The following DOCK4 variants were observed in gnomAD, a reference collection of about 807,000 sequenced individuals.
DOCK4 encodes dedicator of cytokinesis protein 4.
Under a neutral mutation model 268.1 loss-of-function variants are expected in DOCK4, and 97 were observed. The observed-to-expected ratio is 0.36, with a 90% CI of 0.31 to 0.43. The LOEUF (loss-of-function observed/expected upper bound fraction) is 0.43. DOCK4 is among the 20% of genes least tolerant of loss of function. DOCK4 has a pLI of 1.00. For missense variants in DOCK4, 2,145 were observed against 2,455.7 expected (o/e 0.87, Z 2.67); for synonymous variants, 954 against 887.2 (o/e 1.08, Z -1.34).
rs546595632 is a variant in DOCK4 at position 112,034,832 on chromosome 7, G to T, written c.38-30701C>A. Among the ~76,000 whole-genome samples, 4 of 152,238 alleles carry T rather than the reference G, an allele frequency of 2.6e-5. No individual in the cohort carries two copies. The East Asian group carries it at 7.7e-4, about 29-fold the overall frequency. On this transcript the variant is annotated intron_variant, in intron 1 of 52. Coordinates refer to ENST00000428084, the MANE Select transcript of DOCK4 (RefSeq NM_001363540.2). ...CAGGAGAACTGCTTGAACCCGGGAG[G>T]CGGAGGTTGCAGTGGGCCAAGATCC...
At chr7:112,128,684 G>A (rs904742915) in intron 1 of DOCK4, among the ~76,000 whole-genome samples, 4 of 152,108 alleles carry the variant, frequency 2.6e-5, no homozygotes, top group African/African-American at 9.7e-5. Context: ...GGCGGTGCAA[G>A]ATGTGCTTTG....
At chr7:111,737,150 A>T (rs1345369937) in intron 49 of DOCK4, among the ~76,000 whole-genome samples, 161 bp from the exon 50 acceptor site, 1 of 152,196 alleles carries the variant, frequency 6.6e-6, no homozygotes. Flanking sequence ...ATTTAAGTAA[A>T]AGGGGGTGGG....
intron 30 of DOCK4, among the ~76,000 whole-genome samples, chr7:111,796,838 C>A (rs900417015): frequency 2.0e-5 from 3 of 152,192 alleles, no homozygotes; most frequent in Non-Finnish European, 2.9e-5. Flanking sequence ...GCTAAGGTTG[C>A]GTGGGTAAGC....
intron 1 of DOCK4, among the ~76,000 whole-genome samples, chr7:112,066,733 ATATATATATC>A (rs1807092185): frequency 2.3e-5 from 2 of 85,394 alleles, no homozygotes; most frequent in Non-Finnish European, 2.4e-5. Flanking sequence ...ATATATATAT[ATATATATATC>A]TCCTATTGGC....
chr7:111,956,156 G>A (rs1015823314), intron 8 of DOCK4, among the ~76,000 whole-genome samples: 3 of 152,086 alleles, frequency 2.0e-5, no homozygotes, highest in African/African-American at 7.2e-5. Context: ...GACATTTCGT[G>A]AGAAAAGAAT....
intron 42 of DOCK4, 39 bp from the exon 43 acceptor site, chr7:111,747,482 G>C (rs750814850): frequency 2.6e-6 from 4 of 1,520,456 alleles, no homozygotes; most frequent in Non-Finnish European, 3.5e-6. Context: ...TTGAATTTGT[G>C]ACATTCAAGA....
intron 42 of DOCK4, among the ~76,000 whole-genome samples, chr7:111,751,100 A>G (rs1796607468): frequency 1.3e-5 from 2 of 152,186 alleles, no homozygotes; most frequent in Non-Finnish European, 2.9e-5. Context: ...GGCTGCCAAC[A>G]TCACACACAC....
chr7:112,019,996 G>A (rs1451316203), intron 1 of DOCK4, among the ~76,000 whole-genome samples: 2 of 152,276 alleles, frequency 1.3e-5, no homozygotes, highest in East Asian at 3.9e-4. Flanking sequence ...TACAATTGGA[G>A]CTGCAGAGTT....
At chr7:111,756,101 C>A (rs1214939889) in intron 41 of DOCK4, among the ~76,000 whole-genome samples, 1 of 152,322 alleles carries the variant, frequency 6.6e-6, no homozygotes, top group Non-Finnish European at 1.5e-5. Context: ...GTAATCCCAG[C>A]ACTTTGGGAG....
chr7:111,784,384 C>G (rs1267980917), intron 32 of DOCK4: 1 of 651,946 alleles, frequency 1.5e-6, no homozygotes, highest in Non-Finnish European at 2.8e-6. Context: ...ATTTTCCTAC[C>G]TCTCAGTGGA....
intron 16 of DOCK4, among the ~76,000 whole-genome samples, chr7:111,885,456 T>C (rs1807759890): frequency 1.3e-5 from 2 of 152,222 alleles, no homozygotes; most frequent in East Asian, 1.9e-4. Context: ...CACTGTCTTC[T>C]CTACTAGAGA....
At chr7:112,195,982 T>G (rs1349798047) in intron 1 of DOCK4, among the ~76,000 whole-genome samples, 1 of 152,122 alleles carries the variant, frequency 6.6e-6, no homozygotes, top group African/African-American at 2.4e-5. Context: ...AAGCCTCCCA[T>G]GTAAATGTCA....
intron 1 of DOCK4, among the ~76,000 whole-genome samples, chr7:112,006,019 C>T (rs1170815380): frequency 1.3e-5 from 2 of 152,166 alleles, no homozygotes. Flanking sequence ...CTGTCACACT[C>T]GCCAGCCTTC....
chr7:111,884,150 C>A (rs1467329587), intron 16 of DOCK4, among the ~76,000 whole-genome samples: 2 of 152,100 alleles, frequency 1.3e-5, no homozygotes, highest in African/African-American at 4.8e-5. Flanking sequence ...GAAAATATAG[C>A]ATATCTTTTA....
intron 1 of DOCK4, among the ~76,000 whole-genome samples, chr7:112,076,169 G>A (rs1306627463): frequency 1.3e-5 from 2 of 152,086 alleles, no homozygotes; most frequent in Non-Finnish European, 2.9e-5. Context: ...ATCATTTGCA[G>A]TAATTTGAAG....
chr7:112,072,203 T>C (rs1234778119), intron 1 of DOCK4, among the ~76,000 whole-genome samples: 1 of 148,850 alleles, frequency 6.7e-6, no homozygotes, highest in Non-Finnish European at 1.5e-5. Flanking sequence ...CTCACAGATT[T>C]ATTACCTCTT....
chr7:111,920,912 G>A (rs967274402), intron 12 of DOCK4, among the ~76,000 whole-genome samples: 13 of 151,872 alleles, frequency 8.6e-5, no homozygotes, highest in African/African-American at 3.1e-4. Context: ...TGGAATTTAT[G>A]ACAACCTGTA....
chr7:111,786,088 T>TG (rs1305442129), intron 32 of DOCK4, among the ~76,000 whole-genome samples: 29 of 152,230 alleles, frequency 1.9e-4, no homozygotes, highest in African/African-American at 6.5e-4. Context: ...ATGTAAGGTA[T>TG]GGTGTCACAT....
intron 12 of DOCK4, among the ~76,000 whole-genome samples, chr7:111,922,686 A>C (rs1040128900): frequency 6.6e-6 from 1 of 152,048 alleles, no homozygotes; most frequent in Non-Finnish European, 1.5e-5. Flanking sequence ...GGTTCAAGTG[A>C]TTCTCCTGCT....
Sources: gnomAD v4.1 joint callset for allele counts (sites outside exome capture counted in the v4.1 genomes callset) on GRCh38, gnomAD v4.1.1 for gene constraint, MANE v1.5 for transcripts, NCBI Gene and HGNC (gene_info 2026-07-23, HGNC 2026-07-21) for gene names.